Variants in TECPR2 observed in about 807,000 individuals in gnomAD.
TECPR2 encodes the protein tectonin beta-propeller repeat-containing protein 2.
A neutral mutation model predicts 138.1 loss-of-function variants in TECPR2; 65 were observed. That is an observed-to-expected ratio of 0.47 (90% CI 0.39 to 0.58). The LOEUF is 0.58. Among genes scored for constraint, TECPR2 ranks in the 20% least tolerant of loss-of-function variants. TECPR2 has a pLI of 0.00. For missense variants in TECPR2, 1,553 were observed against 1,824.5 expected (o/e 0.85, Z 2.71); for synonymous variants, 746 against 749.8 (o/e 0.99, Z 0.08).
At chr14:102,385,475 G>C (rs910360593) in intron 2 of TECPR2, among the ~76,000 whole-genome samples, 15 of 152,140 alleles carry the variant, frequency 9.9e-5, no homozygotes, top group Non-Finnish European at 2.9e-5. Context: ...TGACATGGTA[G>C]AACAGCATCC....
chr14:102,453,886 T>A (rs977074682), intron 16 of TECPR2, among the ~76,000 whole-genome samples: 3 of 150,222 alleles, frequency 2.0e-5, no homozygotes, highest in Non-Finnish European at 4.4e-5. Context: ...CAGTGGCTAA[T>A]GCCTATAATC....
At chr14:102,369,286 G>C (rs1887428559) in intron 1 of TECPR2, among the ~76,000 whole-genome samples, 1 of 152,218 alleles carries the variant, frequency 6.6e-6, no homozygotes, top group Non-Finnish European at 1.5e-5. Context: ...CCTGCGAGCT[G>C]TCAGTGGATA....
At position 102,499,202 on chromosome 14, in the gene TECPR2, G is replaced by A; in HGVS notation, c.*945G>A. ...CACAGGAGGGTGCATGGGGCGTGGG[G>A]GAGCTGAGCAAGGGTCGCTCACTTA... On this transcript the variant is annotated 3_prime_UTR_variant, in exon 20 of 20. Coordinates refer to ENST00000359520, the MANE Select transcript of TECPR2 (RefSeq NM_014844.5). 1 of 700,104 alleles carries A rather than the reference G, an allele frequency of 1.4e-6. No homozygotes were observed. Among genetic ancestry groups the A allele is most frequent in the Non-Finnish European group, 2.6e-6 (1 of 382,634 alleles). The allele number at this position is 700,104 out of a possible 1,614,324, so 43.4% of individuals were successfully genotyped here. A position where few individuals can be genotyped will look rare whatever the true frequency, so the allele number is the denominator to read the frequency against.
Position 102,363,002 on chromosome 14 carries a change from C to G in TECPR2, c.-187C>G, listed in dbSNP as rs1015529501. On this transcript the variant is annotated 5_prime_UTR_variant, in exon 1 of 20. Transcript: ENST00000359520. ...AGCTGCTGCTCTTCGGTGCTGGCCC[C>G]GGTGCCGGCCCCGTTGCCCAGGGAA... 6 of 1,036,360 alleles carry G rather than the reference C, an allele frequency of 5.8e-6. No homozygotes were observed. Among genetic ancestry groups the G allele is most frequent in the Admixed American group, 2.3e-5 (1 of 42,686 alleles). The allele number at this position is 1,036,360 out of a possible 1,614,324, so 64.2% of individuals were successfully genotyped here.
intron 1 of TECPR2, among the ~76,000 whole-genome samples, chr14:102,374,892 G>A (rs1887603501): frequency 6.6e-6 from 1 of 152,190 alleles, no homozygotes; most frequent in Non-Finnish European, 1.5e-5. Context: ...TGCCTCTGAT[G>A]TGCCTAGCCC....
chr14:102,428,218 T>TTTTG, intron 6 of TECPR2, 32 bp from the exon 7 acceptor site: 3 of 1,465,326 alleles, frequency 2.0e-6, no homozygotes, highest in Non-Finnish European at 2.7e-6. Context: ...GTTTTGTGTT[T>TTTTG]TTTGTTTTTT....
At position 102,443,872 on chromosome 14, in the gene TECPR2, C is replaced by T. The variant is rs117388677; in HGVS notation, c.2933+45C>T. ...TCCTTTCACATCGTGCTTGTCCTACCCTTCGTTCTTGTCCACTTGACACCA... is the reference window on the plus strand; with the variant it reads ...TCCTTTCACATCGTGCTTGTCCTACTCTTCGTTCTTGTCCACTTGACACCA... On this transcript the variant is annotated intron_variant, in intron 12 of 19. Coordinates refer to ENST00000359520, the MANE Select transcript of TECPR2 (RefSeq NM_014844.5). This position sits in a 1 kb window ranked among gnomAD's most constrained non-coding sequence, Gnocchi z 4.9. 0.019 allele frequency: 28,035 copies of T among 1,461,118 alleles called. 331 individuals are homozygous for T. Among genetic ancestry groups the T allele is most frequent in the Middle Eastern group, 0.029 (126 of 4,352 alleles). The allele number at this position is 1,461,118 out of a possible 1,614,324, so 90.5% of individuals were successfully genotyped here. A position where few individuals can be genotyped will look rare whatever the true frequency, so the allele number is the denominator to read the frequency against.
chr14:102,373,951 C>T (rs771273885), intron 1 of TECPR2, among the ~76,000 whole-genome samples: 11 of 151,574 alleles, frequency 7.3e-5, no homozygotes, highest in Non-Finnish European at 1.3e-4. Context: ...CTTGGTGGCA[C>T]ACGCCTGTAG....
At chr14:102,497,795 C>CA in intron 19 of TECPR2, 76 bp downstream of exon 19, 4 of 1,459,474 alleles carry the variant, frequency 2.7e-6, no homozygotes, top group Non-Finnish European at 2.7e-6. Context: ...GGGGGGCTCT[C>CA]AAAGAAGCCG....
chr14:102,384,757 A>G (rs1035184097), intron 2 of TECPR2, among the ~76,000 whole-genome samples: 1 of 149,526 alleles, frequency 6.7e-6, no homozygotes, highest in Non-Finnish European at 1.5e-5. Flanking sequence ...GTGTGTGTAT[A>G]TATATATATC....
At chr14:102,424,300 T>C (rs947655302) in intron 5 of TECPR2, among the ~76,000 whole-genome samples, 1 of 152,182 alleles carries the variant, frequency 6.6e-6, no homozygotes, top group African/African-American at 2.4e-5. Context: ...GGGACCACTG[T>C]TGTATTTGCG....
intron 2 of TECPR2, among the ~76,000 whole-genome samples, chr14:102,389,901 G>A (rs902509792): frequency 2.6e-5 from 4 of 152,196 alleles, no homozygotes; most frequent in African/African-American, 9.6e-5. Context: ...AGATATCTTT[G>A]TTTAACTTCC....
chr14:102,408,381 C>A, intron 3 of TECPR2, 107 bp from the exon 4 acceptor site: 1 of 1,278,802 alleles, frequency 7.8e-7, no homozygotes, highest in Non-Finnish European at 1.1e-6. Context: ...ATTGGGAAAA[C>A]CAGCTCTTCC....
intron 16 of TECPR2, among the ~76,000 whole-genome samples, chr14:102,456,084 C>G (rs1890270728): frequency 6.6e-6 from 1 of 152,180 alleles, no homozygotes. Flanking sequence ...ATGGGAGCAG[C>G]AACCCCCAAG....
At chr14:102,391,201 G>A (rs1216982303) in intron 2 of TECPR2, among the ~76,000 whole-genome samples, 1 of 152,150 alleles carries the variant, frequency 6.6e-6, no homozygotes, top group African/African-American at 2.4e-5. Context: ...GGGATTACAG[G>A]TGTGCACCAC....
intron 2 of TECPR2, among the ~76,000 whole-genome samples, chr14:102,384,357 T>G (rs1160785797): frequency 6.6e-6 from 1 of 151,938 alleles, no homozygotes; most frequent in Non-Finnish European, 1.5e-5. Flanking sequence ...ATGGTGGGAA[T>G]TGGAAGGGGA....
Position 102,408,496 on chromosome 14 carries a change from A to T in TECPR2, c.357A>T (p.Arg119Ser), listed in dbSNP as rs1888726908. The T allele has an allele frequency of 6.2e-7, 1 of 1,600,632 alleles. No homozygotes were observed. The highest frequency in any genetic ancestry group is 1.8e-5 in the Admixed American group (1 of 56,208). Residue 119 changes from arginine to serine, a missense_variant, in exon 4 of 20, where the codon AGA becomes AGT. Physicochemically the swap from Arg to Ser is moderately radical, Grantham distance 110. Coordinates refer to ENST00000359520, the MANE Select transcript of TECPR2 (RefSeq NM_014844.5). ...SLPGRNKQLR[R>S]FDVTGIHKNS... Reference sequence around the variant, plus strand: ...TTATCCCTTGTTCATAGCTTCGGAGATTTGATGTCACTGGTATTCACAAAA... The same window carrying T: ...TTATCCCTTGTTCATAGCTTCGGAGTTTTGATGTCACTGGTATTCACAAAA...
chr14:102,448,698 T>A (rs568187331), intron 13 of TECPR2, among the ~76,000 whole-genome samples: 4 of 152,026 alleles, frequency 2.6e-5, no homozygotes, highest in Admixed American at 1.3e-4. Context: ...AAACCCCATC[T>A]TTACTAAAAA....
chr14:102,419,155 TGGG>T lies in TECPR2; in HGVS notation c.638+4366_638+4368del, dbSNP rs889264397. ...AAGGGCATCAGGAGAGAACAGGAGT[TGGG>T]GGGTCAGAGGAGTCGGAGGCCATAT... On this transcript the variant is annotated intron_variant, in intron 5 of 19. Transcript: ENST00000359520. The surrounding 1 kb of genome is among the most constrained non-coding windows in gnomAD (Gnocchi z 4.8). 6.6e-6 allele frequency among the ~76,000 whole-genome samples: 1 copy of T among 151,386 alleles called. No individual in the cohort carries two copies. Among genetic ancestry groups the T allele is most frequent in the Non-Finnish European group, 1.5e-5 (1 of 67,818 alleles).
Sources: allele counts gnomAD v4.1 joint callset (sites outside exome capture counted in the v4.1 genomes callset), GRCh38; gene constraint gnomAD v4.1.1; non-coding constraint Gnocchi (gnomAD v3.1); transcripts MANE v1.5; gene names NCBI Gene and HGNC (gene_info 2026-07-23, HGNC 2026-07-21).